The following GPC5 variants were observed in gnomAD, a reference collection of about 807,000 sequenced individuals.
GPC5 encodes the protein glypican 5, also known as glypican-5.
A neutral mutation model predicts 53.9 loss-of-function variants in GPC5; 47 were observed. The observed-to-expected ratio is 0.87, with a 90% CI of 0.69 to 1.11. GPC5 has a LOEUF of 1.11. Among genes scored for constraint, GPC5 ranks in the 50% most tolerant of loss-of-function variants. The pLI, the probability that GPC5 is intolerant of heterozygous loss-of-function variation, is 0.00. For missense variants in GPC5, 748 were observed against 713.1 expected (o/e 1.05, Z -0.56); for synonymous variants, 286 against 263.3 (o/e 1.09, Z -0.84).
At chr13:92,637,309 A>T (rs1478576554) in intron 7 of GPC5, among the ~76,000 whole-genome samples, 1 of 152,224 alleles carries the variant, frequency 6.6e-6, no homozygotes, top group Non-Finnish European at 1.5e-5. Flanking sequence ...AGAGATCAGA[A>T]AACTATCCAC....
intron 6 of GPC5, among the ~76,000 whole-genome samples, chr13:92,011,644 T>A (rs1393021571): frequency 6.6e-6 from 1 of 152,210 alleles, no homozygotes; most frequent in Non-Finnish European, 1.5e-5. Context: ...TACAGTGGAA[T>A]TAGAAAACAG....
chr13:91,486,783 G>A (rs183250232), intron 2 of GPC5: 5 of 152,354 alleles, frequency 3.3e-5, no homozygotes, highest in Admixed American at 2.0e-4. Context: ...AGATTGGAAC[G>A]TGACACCAAT....
intron 6 of GPC5, among the ~76,000 whole-genome samples, chr13:92,007,342 A>T (rs918616037): frequency 3.2e-4 from 48 of 152,296 alleles, no homozygotes; most frequent in African/African-American, 1.1e-3. Flanking sequence ...TTGGAGTTGT[A>T]GTTTAGTCTA....
chr13:92,197,718 G>A (rs1289182449), intron 7 of GPC5, among the ~76,000 whole-genome samples: 5 of 146,612 alleles, frequency 3.4e-5, no homozygotes, highest in Non-Finnish European at 7.5e-5. Flanking sequence ...GCTTTGCCAT[G>A]TTTCCCAGAC....
chr13:92,835,196 T>C (rs1878182884), intron 7 of GPC5, among the ~76,000 whole-genome samples: 1 of 152,042 alleles, frequency 6.6e-6, no homozygotes, highest in Non-Finnish European at 1.5e-5. Flanking sequence ...TTTAATATTG[T>C]TTTCCTAAAC....
chr13:92,453,505 A>C (rs1476393454), intron 7 of GPC5, among the ~76,000 whole-genome samples: 3 of 152,210 alleles, frequency 2.0e-5, no homozygotes, highest in Non-Finnish European at 4.4e-5. Flanking sequence ...ATTAGCAAAT[A>C]AATTGAACAG....
At chr13:91,693,998 T>C (rs1006199085) in intron 3 of GPC5, 117 bp downstream of exon 3, 1 of 777,396 alleles carries the variant, frequency 1.3e-6, no homozygotes, top group Non-Finnish European at 2.0e-6. Flanking sequence ...CAAGATATTA[T>C]TTTTTTATAT....
intron 6 of GPC5, among the ~76,000 whole-genome samples, chr13:91,917,865 C>A (rs991695801): frequency 1.3e-5 from 2 of 152,270 alleles, no homozygotes; most frequent in Middle Eastern, 6.8e-3. Flanking sequence ...ATTCCCACAT[C>A]ATCTGTCTTC....
intron 2 of GPC5, among the ~76,000 whole-genome samples, chr13:91,458,633 G>A (rs970678649): frequency 5.3e-5 from 8 of 152,076 alleles, no homozygotes; most frequent in Admixed American, 1.3e-4. Context: ...TGAAAAGGGG[G>A]CACTTTTACA....
At chr13:91,762,710 G>A (rs954205931) in intron 5 of GPC5, among the ~76,000 whole-genome samples, 4 of 151,614 alleles carry the variant, frequency 2.6e-5, no homozygotes, top group African/African-American at 9.7e-5. Flanking sequence ...AGAATTGGAG[G>A]TTGCTTTAAA....
chr13:92,034,873 C>T (rs1283441865), intron 6 of GPC5, among the ~76,000 whole-genome samples: 1 of 152,008 alleles, frequency 6.6e-6, no homozygotes, highest in East Asian at 1.9e-4. Flanking sequence ...AAGACATGTA[C>T]GTATCATAGA....
At chr13:92,130,302 T>C (rs2041732442) in intron 6 of GPC5, among the ~76,000 whole-genome samples, 2 of 149,568 alleles carry the variant, frequency 1.3e-5, no homozygotes, top group Non-Finnish European at 3.0e-5. Context: ...TTATCCCAGC[T>C]AGAAGCATGC....
intron 7 of GPC5, among the ~76,000 whole-genome samples, chr13:92,265,749 C>T (rs989283276): frequency 2.0e-5 from 3 of 152,152 alleles, no homozygotes; most frequent in Non-Finnish European, 4.4e-5. Flanking sequence ...GTTATAGCAG[C>T]GCCCCACTTC....
chr13:91,915,656 C>G (rs2039651366), intron 6 of GPC5, among the ~76,000 whole-genome samples: 1 of 151,982 alleles, frequency 6.6e-6, no homozygotes, highest in African/African-American at 2.4e-5. Flanking sequence ...ATTTAGGTGA[C>G]TAGGACAAAT....
chr13:91,620,410 T>G (rs958064069), intron 2 of GPC5, among the ~76,000 whole-genome samples: 1 of 152,146 alleles, frequency 6.6e-6, no homozygotes, highest in African/African-American at 2.4e-5. Context: ...GTAAATGTCA[T>G]GTCTCTCAGT....
At chr13:92,798,090 TATGTATACCAG>T (rs1417962319) in intron 7 of GPC5, among the ~76,000 whole-genome samples, 1 of 151,874 alleles carries the variant, frequency 6.6e-6, no homozygotes, top group Non-Finnish European at 1.5e-5. Context: ...CATGTTGCTT[TATGTATACCAG>T]ACTGAGCATG....
intron 7 of GPC5, among the ~76,000 whole-genome samples, chr13:92,796,343 C>G (rs1286093159): frequency 6.6e-6 from 1 of 151,990 alleles, no homozygotes; most frequent in East Asian, 1.9e-4. Flanking sequence ...AGGGGAACAT[C>G]ACACACCGGG....
chr13:92,636,397 G>A (rs945056835), intron 7 of GPC5, among the ~76,000 whole-genome samples: 6 of 152,236 alleles, frequency 3.9e-5, no homozygotes, highest in East Asian at 3.9e-4. Context: ...TTTGCTGAGC[G>A]TAGCTATGCT....
chr13:92,806,998 T>G (rs567996886), intron 7 of GPC5, among the ~76,000 whole-genome samples: 1 of 152,190 alleles, frequency 6.6e-6, no homozygotes, highest in African/African-American at 2.4e-5. Context: ...TACATTAAAG[T>G]GCAGTGCAAT....
Sources: gnomAD v4.1 joint callset for allele counts (sites outside exome capture counted in the v4.1 genomes callset) on GRCh38, gnomAD v4.1.1 for gene constraint, MANE v1.5 for transcripts, NCBI Gene and HGNC (gene_info 2026-07-23, HGNC 2026-07-21) for gene names.